CCDC85A: variants seen among roughly 807,000 people sequenced by gnomAD.
CCDC85A encodes coiled-coil domain-containing protein 85A.
In CCDC85A, 38 loss-of-function variants were observed where a neutral mutation model predicts 50.2. The ratio of observed to expected loss-of-function variants is 0.76; its 90% CI spans 0.58 to 0.99. CCDC85A has a LOEUF of 0.99. CCDC85A is among the 50% of genes least tolerant of loss of function. The probability of loss-of-function intolerance (pLI) is 0.00; values close to 1 mark genes in which losing one functional copy is unlikely to be tolerated. For synonymous variants in CCDC85A, 366 were observed against 301.4 expected, an observed-to-expected ratio of 1.21 and a Z score of -2.22; for missense variants, 820 against 742.0, an observed-to-expected ratio of 1.11 and a Z score of -1.22.
rs186962252 is a variant in CCDC85A at position 56,248,049 on chromosome 2, C to T, written c.1240+54609C>T. On this transcript the variant is annotated intron_variant, in intron 2 of 5. Transcript: ENST00000407595. ...CAGAGTCACAGAACTTTATCTTTCT[C>T]TCTCACTGGATCATTTCAGAAAGTG... is the stretch of plus-strand genomic sequence containing the variant. 6.6e-5 allele frequency among the ~76,000 whole-genome samples: 10 copies of T among 152,322 alleles called. No individual in the cohort carries two copies. The East Asian group carries it at 1.4e-3, about 21-fold the overall frequency.
intron 2 of CCDC85A, among the ~76,000 whole-genome samples, chr2:56,204,649 C>T (rs1189773684): frequency 6.6e-6 from 1 of 152,188 alleles, no homozygotes; most frequent in Non-Finnish European, 1.5e-5. Context: ...ACCTGACTTC[C>T]TCCAGGAGTT....
At chr2:56,342,413 T>C (rs534582341) in intron 2 of CCDC85A, among the ~76,000 whole-genome samples, 72 of 152,174 alleles carry the variant, frequency 4.7e-4, no homozygotes, top group Non-Finnish European at 7.5e-4. Context: ...GTGGAGAGAC[T>C]GGATTTCGGT....
rs752700528 is a variant in CCDC85A, at chr2:56,192,865, C to T, written c.665C>T (p.Pro222Leu). The change falls in exon 2 of 6, where the codon CCG becomes CTG. Residue 222 changes from proline to leucine, a missense_variant. Coordinates refer to ENST00000407595, the MANE Select transcript of CCDC85A (RefSeq NM_001080433.2). The surrounding 1 kb of genome is among the most constrained non-coding windows in gnomAD (Gnocchi z 4.7). ...TCCAGCACTGGCAGCACTGACAGCC[C>T]GGACCACCACAAGCACCACGCGAGC... Reference protein sequence around the residue: ...STSSTGSTDSPDHHKHHASSG... With the variant: ...STSSTGSTDSLDHHKHHASSG... The T allele has an allele frequency of 2.7e-5, 44 of 1,612,964 alleles. No individual in the cohort carries two copies. Among genetic ancestry groups the T allele is most frequent in the Non-Finnish European group, 3.6e-5 (43 of 1,179,590 alleles).
At position 56,384,251 on chromosome 2, in the gene CCDC85A, C is replaced by CTTT; in HGVS notation, c.1573-6_1573-4dup. 1.6e-6 allele frequency: 2 copies of CTTT among 1,217,542 alleles called. No individual in the cohort carries two copies. The highest frequency in any genetic ancestry group is 1.5e-5 in the African/African-American group (1 of 64,742). 75.4% of individuals were successfully genotyped at this position (1,217,542 alleles called of 1,614,324 possible). The stretch of plus-strand genomic sequence containing the variant: ...AGGAAAAGTAAGATACTCACTCCTT[C>CTTT]TTTTTTTTTTTAAGGTTGTGTGGAG... On this transcript the variant is annotated splice_polypyrimidine_tract_variant and intron_variant, in intron 5 of 5. Transcript: ENST00000407595.
At chr2:56,271,077 G>A (rs1327918943) in intron 2 of CCDC85A, among the ~76,000 whole-genome samples, 1 of 152,156 alleles carries the variant, frequency 6.6e-6, no homozygotes, top group Non-Finnish European at 1.5e-5. Context: ...CTTGTAAGTG[G>A]CAGAACTGCA....
chr2:56,292,567 G>A (rs1054447298), intron 2 of CCDC85A, among the ~76,000 whole-genome samples: 3 of 152,094 alleles, frequency 2.0e-5, no homozygotes, highest in African/African-American at 7.2e-5. Flanking sequence ...AGTAGGATGG[G>A]GAAAATAAAT....
chr2:56,309,333 T>A (rs1320427499), intron 2 of CCDC85A, among the ~76,000 whole-genome samples: 1 of 152,192 alleles, frequency 6.6e-6, no homozygotes, highest in Non-Finnish European at 1.5e-5. Flanking sequence ...TGCAGATGTG[T>A]TTTATGGACT....
intron 2 of CCDC85A, among the ~76,000 whole-genome samples, chr2:56,259,331 G>A (rs1170043173): frequency 6.6e-6 from 1 of 152,170 alleles, no homozygotes; most frequent in Non-Finnish European, 1.5e-5. Flanking sequence ...GCAAAGAGCA[G>A]AGGAGACATG....
chr2:56,238,415 T>TA (rs34764564), intron 2 of CCDC85A, among the ~76,000 whole-genome samples: 3,293 of 124,564 alleles, frequency 0.026, 55 homozygotes, highest in Middle Eastern at 0.071. Context: ...ACATTCTGTC[T>TA]AAAAAAAAAA....
intron 2 of CCDC85A, among the ~76,000 whole-genome samples, chr2:56,198,788 C>T (rs1007928408): frequency 1.3e-5 from 2 of 152,096 alleles, no homozygotes; most frequent in African/African-American, 4.8e-5. Context: ...ATGGAGATTG[C>T]CTATCAACTT....
chr2:56,323,026 G>T (rs59202337), intron 2 of CCDC85A, among the ~76,000 whole-genome samples: 12,679 of 151,980 alleles, frequency 0.083, 1,786 homozygotes, highest in African/African-American at 0.29. Flanking sequence ...CCATCATTAT[G>T]AGCAAACTGT....
At chr2:56,346,845 C>T (rs1022011846) in intron 3 of CCDC85A, among the ~76,000 whole-genome samples, 1 of 152,144 alleles carries the variant, frequency 6.6e-6, no homozygotes, top group Non-Finnish European at 1.5e-5. Context: ...TCTTACAGTA[C>T]ACATAATACA....
At chr2:56,206,582 C>T (rs934404752) in intron 2 of CCDC85A, among the ~76,000 whole-genome samples, 1 of 152,116 alleles carries the variant, frequency 6.6e-6, no homozygotes, top group East Asian at 1.9e-4. Context: ...ATAACAGGCC[C>T]ACTATCTTGA....
At position 56,372,473 on chromosome 2, in the gene CCDC85A, C is replaced by A; in HGVS notation, c.1447C>A (p.Leu483Ile). The change falls in exon 4 of 6, where the codon CTC (leucine) becomes ATC (isoleucine). Residue 483 changes from leucine (L) to isoleucine (I), a missense_variant. By Grantham distance (5) the Leu-to-Ile change is conservative. Coordinates refer to ENST00000407595, the MANE Select transcript of CCDC85A (RefSeq NM_001080433.2). ...AGGAATAGGACGATGCCTGCCTACT[C>A]TCCCGGTGAGTGAAGATGAGTCAGC... is the stretch of plus-strand genomic sequence containing the variant. Reference protein sequence around the residue: ...CRGIGRCLPTLPGSFRLSSGA... With the variant: ...CRGIGRCLPTIPGSFRLSSGA... 6.3e-7 allele frequency: 1 copy of A among 1,599,166 alleles called. No individual in the cohort carries two copies. The highest frequency in any genetic ancestry group is 8.5e-7 in the Non-Finnish European group (1 of 1,171,758).
intron 2 of CCDC85A, among the ~76,000 whole-genome samples, chr2:56,267,582 A>C (rs1342266879): frequency 6.6e-6 from 1 of 152,204 alleles, no homozygotes; most frequent in African/African-American, 2.4e-5. Flanking sequence ...TAGCTCGAGC[A>C]TGCTGGCATC....
At chr2:56,295,820 T>G (rs530527418) in intron 2 of CCDC85A, among the ~76,000 whole-genome samples, 3 of 152,322 alleles carry the variant, frequency 2.0e-5, no homozygotes, top group African/African-American at 7.2e-5. Flanking sequence ...TCATAACAGC[T>G]TCTGGCTTCA....
intron 3 of CCDC85A, among the ~76,000 whole-genome samples, chr2:56,350,767 T>TC (rs1674883184): frequency 6.6e-6 from 1 of 151,244 alleles, no homozygotes; most frequent in African/African-American, 2.4e-5. Flanking sequence ...TTTTTTTTTT[T>TC]CTATTGCATG....
At chr2:56,289,699 C>T (rs931354210) in intron 2 of CCDC85A, among the ~76,000 whole-genome samples, 6 of 152,240 alleles carry the variant, frequency 3.9e-5, no homozygotes, top group Non-Finnish European at 8.8e-5. Flanking sequence ...TATTCATCTG[C>T]TTTCCATCTA....
chr2:56,331,249 G>A (rs1271587557), intron 2 of CCDC85A, among the ~76,000 whole-genome samples: 2 of 152,056 alleles, frequency 1.3e-5, no homozygotes, highest in South Asian at 2.1e-4. Context: ...TGGGAGAGGG[G>A]ATGAGTGATA....
Sources: gnomAD v4.1 joint callset for allele counts (sites outside exome capture counted in the v4.1 genomes callset) on GRCh38, gnomAD v4.1.1 for gene constraint, Gnocchi (gnomAD v3.1) non-coding constraint, MANE v1.5 for transcripts, NCBI Gene and HGNC (gene_info 2026-07-23, HGNC 2026-07-21) for gene names.